Variants in RASEF observed in about 807,000 individuals in gnomAD.
RASEF encodes RAS and EF-hand domain containing.
In RASEF, 68 loss-of-function variants were observed where a neutral mutation model predicts 90.1. That is an observed-to-expected ratio of 0.75 (90% CI 0.62 to 0.92). The LOEUF (loss-of-function observed/expected upper bound fraction) is 0.92. Among genes scored for constraint, RASEF ranks in the 40% least tolerant of loss-of-function variants. RASEF has a pLI of 0.00. For missense variants in RASEF, 949 were observed against 937.2 expected (o/e 1.01, Z -0.16); for synonymous variants, 331 against 345.2 (o/e 0.96, Z 0.46).
chr9:83,048,139 C>T (rs776854372), intron 1 of RASEF: 12 of 985,390 alleles, frequency 1.2e-5, no homozygotes, highest in South Asian at 4.7e-5. Context: ...GAGGCCTCCA[C>T]GTTTGTAAAC....
chr9:83,175,298 T>C, the RASEF span, among the ~76,000 whole-genome samples: 1 of 152,142 alleles, frequency 6.6e-6, no homozygotes, highest in Non-Finnish European at 1.5e-5. Flanking sequence ...CCCAGTTTGT[T>C]TAATATTTTT....
chr9:83,034,809 C>T (rs1464096201), intron 1 of RASEF, among the ~76,000 whole-genome samples: 1 of 152,222 alleles, frequency 6.6e-6, no homozygotes, highest in Non-Finnish European at 1.5e-5. Flanking sequence ...AAACACTTCA[C>T]CTCTCCAGCT....
At chr9:83,153,554 C>A in the RASEF span, among the ~76,000 whole-genome samples, 12 of 152,106 alleles carry the variant, frequency 7.9e-5, no homozygotes, top group Non-Finnish European at 1.5e-4. Context: ...TCATGGCGAC[C>A]CTGAGCTGCC....
the RASEF span, among the ~76,000 whole-genome samples, chr9:83,164,098 T>C: frequency 1.3e-5 from 2 of 149,928 alleles, no homozygotes; most frequent in Non-Finnish European, 3.0e-5. Flanking sequence ...AAAAATTGAG[T>C]GGATTTGTTT....
chr9:83,097,638 G>C, the RASEF span, among the ~76,000 whole-genome samples: 1 of 152,194 alleles, frequency 6.6e-6, no homozygotes, highest in Non-Finnish European at 1.5e-5. Flanking sequence ...GCAGCCAAAA[G>C]ACACATGAAA....
At chr9:83,211,909 T>C in the RASEF span, among the ~76,000 whole-genome samples, 1 of 152,124 alleles carries the variant, frequency 6.6e-6, no homozygotes. Flanking sequence ...CTGTAAACAA[T>C]AACAGCATGA....
intron 1 of RASEF, among the ~76,000 whole-genome samples, chr9:83,032,186 C>T (rs889286699): frequency 3.4e-4 from 52 of 152,002 alleles, no homozygotes; most frequent in African/African-American, 1.2e-3. Flanking sequence ...GGCCTCTTCC[C>T]GTGTCCTACC....
chr9:83,022,436 A>T lies in RASEF; in HGVS notation c.579-10T>A. 6.3e-7 allele frequency: 1 copy of T among 1,597,822 alleles called. No individual in the cohort carries two copies. The highest frequency in any genetic ancestry group is 8.6e-7 in the Non-Finnish European group (1 of 1,165,152). On this transcript the variant is annotated splice_polypyrimidine_tract_variant and intron_variant, in intron 2 of 16. Transcript: ENST00000376447. ...TGCCTTGTCCTGGGCTCTGAAATTC[A>T]AAAGGATGCACACCTTTTCATTATA... is the stretch of plus-strand genomic sequence containing the variant.
chr9:83,176,579 T>C, the RASEF span, among the ~76,000 whole-genome samples: 1 of 152,120 alleles, frequency 6.6e-6, no homozygotes, highest in Non-Finnish European at 1.5e-5. Flanking sequence ...AGTAACATTT[T>C]AATTCCTTCA....
chr9:83,001,425 T>C (rs953504575), intron 9 of RASEF, among the ~76,000 whole-genome samples: 3 of 152,196 alleles, frequency 2.0e-5, no homozygotes, highest in Non-Finnish European at 4.4e-5. Flanking sequence ...ACCTAAGACA[T>C]AAACACAATC....
At chr9:83,038,855 C>G (rs1829789038) in intron 1 of RASEF, among the ~76,000 whole-genome samples, 1 of 152,034 alleles carries the variant, frequency 6.6e-6, no homozygotes, top group South Asian at 2.1e-4. Flanking sequence ...ATTCTATGGC[C>G]ACTCTAGTTT....
At chr9:83,088,708 T>C in the RASEF span, among the ~76,000 whole-genome samples, 1 of 152,120 alleles carries the variant, frequency 6.6e-6, no homozygotes, top group Admixed American at 6.5e-5. Flanking sequence ...GTCTATTTTG[T>C]GTATATTACT....
Position 82,998,191 on chromosome 9 carries a change from G to A in RASEF, c.1805+174C>T, listed in dbSNP as rs371370503. On this transcript the variant is annotated intron_variant, in intron 13 of 16. Transcript: ENST00000376447. ...TCATAGGTAAATGAAGGAGATGTGC[G>A]AGAATATAAGCATTTTAAAGTTATA... is the stretch of plus-strand genomic sequence containing the variant. Among the ~76,000 whole-genome samples, 412 of 152,252 alleles carry A rather than the reference G, an allele frequency of 2.7e-3. 2 individuals carry two copies. The highest frequency in any genetic ancestry group is 9.7e-3 in the African/African-American group (403 of 41,536).
intron 1 of RASEF, among the ~76,000 whole-genome samples, chr9:83,037,412 T>C (rs578225742): frequency 6.6e-6 from 1 of 151,484 alleles, no homozygotes; most frequent in East Asian, 1.9e-4. Flanking sequence ...CTGTCAAAGA[T>C]AGAACATACA....
At chr9:83,021,386 G>A (rs1335578788) in intron 3 of RASEF, among the ~76,000 whole-genome samples, 1 of 152,008 alleles carries the variant, frequency 6.6e-6, no homozygotes, top group Non-Finnish European at 1.5e-5. Flanking sequence ...GTGTTAACAG[G>A]GCAAATTAAT....
Position 83,020,549 on chromosome 9 carries a change from G to A in RASEF, c.669+1787C>T, listed in dbSNP as rs77395445. Reference sequence around the variant, plus strand: ...GCTGGCAGTGACGTCCTGGACTGGCGTGCTGAGGTGTGGAGACCACATGTA... The same window carrying A: ...GCTGGCAGTGACGTCCTGGACTGGCATGCTGAGGTGTGGAGACCACATGTA... On this transcript the variant is annotated intron_variant, in intron 3 of 16. Transcript: ENST00000376447. 5.5e-3 allele frequency among the ~76,000 whole-genome samples: 835 copies of A among 152,294 alleles called. 7 individuals carry two copies. Among genetic ancestry groups the A allele is most frequent in the African/African-American group, 0.019 (804 of 41,558 alleles).
the RASEF span, among the ~76,000 whole-genome samples, chr9:83,182,554 A>G: frequency 2.6e-5 from 4 of 152,236 alleles, no homozygotes; most frequent in South Asian, 2.1e-4. Context: ...TCATTAAAAC[A>G]TCTTCAATAA....
the RASEF span, among the ~76,000 whole-genome samples, chr9:83,092,003 C>CTTTTTTTTTTTTTTTTT: frequency 4.9e-3 from 175 of 35,608 alleles, 5 homozygotes; most frequent in Non-Finnish European, 5.8e-3. Context: ...TCTTTTATTT[C>CTTTTTTTTTTTTTTTTT]TTTTTTTTTT....
chr9:83,047,103 A>T lies in RASEF; in HGVS notation c.431+15334T>A, dbSNP rs11139906. Among the ~76,000 whole-genome samples, 916 of 152,274 alleles carry T rather than the reference A, an allele frequency of 6.0e-3. 38 individuals are homozygous for T. Among genetic ancestry groups the T allele is most frequent in the Admixed American group, 0.05 (767 of 15,286 alleles). On this transcript the variant is annotated intron_variant, in intron 1 of 16. Coordinates refer to ENST00000376447, the MANE Select transcript of RASEF (RefSeq NM_152573.4). ...AAAATTTTAAAAATTGAAATTGAAG[A>T]TAGTGGCTGCTCTTGGTGTGCACGT...
Sources: allele counts gnomAD v4.1 joint callset (sites outside exome capture counted in the v4.1 genomes callset), GRCh38; gene constraint gnomAD v4.1.1; transcripts MANE v1.5; gene names NCBI Gene and HGNC (gene_info 2026-07-23, HGNC 2026-07-21).